The following TGM1 variants were observed in gnomAD, a reference collection of about 807,000 sequenced individuals.
The protein encoded by TGM1 is protein-glutamine gamma-glutamyltransferase K.
TGM1 carries 63 observed loss-of-function variants against 88.7 expected under a neutral mutation model. The observed-to-expected ratio is 0.71, with a 90% CI of 0.58 to 0.88. The LOEUF is 0.88. Among genes scored for constraint, TGM1 ranks in the 40% least tolerant of loss-of-function variants. The pLI, the probability that TGM1 is intolerant of heterozygous loss-of-function variation, is 0.00. For synonymous variants in TGM1, 415 were observed against 431.1 expected, an observed-to-expected ratio of 0.96 and a Z score of 0.46; for missense variants, 996 against 1,118.0, an observed-to-expected ratio of 0.89 and a Z score of 1.56.
At chr14:24,250,521 GCCCTACC>G (rs2040693054) in intron 14 of TGM1, among the ~76,000 whole-genome samples, 1 of 152,030 alleles carries the variant, frequency 6.6e-6, no homozygotes, top group African/African-American at 2.4e-5. Flanking sequence ...CTGCTGAGCA[GCCCTACC>G]GAATGCCTTC....
chr14:24,257,149 G>C (rs1373140000), intron 9 of TGM1, among the ~76,000 whole-genome samples: 6 of 152,184 alleles, frequency 3.9e-5, no homozygotes, highest in Admixed American at 1.3e-4. Flanking sequence ...CAGCATCACA[G>C]GCATCACCGG....
In TGM1 at chr14:24,255,252, G is replaced by A. The variant is rs1468392993; in HGVS notation, c.1647C>T (p.Gly549=). Residue 549 remains glycine, a splice_region_variant and synonymous_variant, in exon 12 of 15, where the codon GGC becomes GGT. Coordinates refer to ENST00000206765, the MANE Select transcript of TGM1 (RefSeq NM_000359.3). The surrounding 1 kb of genome is among the most constrained non-coding windows in gnomAD (Gnocchi z 4.0). ...CTACTGCCTTCCGCTCTGCGTCTGAGCCTGGGGGTTGAGGGTCAAGGGTGA... is the reference window on the plus strand; with the variant it reads ...CTACTGCCTTCCGCTCTGCGTCTGAACCTGGGGGTTGAGGGTCAAGGGTGA... ...DITYLYKHPE[G]SDAERKAVET... is the part of the protein sequence containing the mutation. The A allele has an allele frequency of 6.2e-7, 1 of 1,613,872 alleles. No homozygotes were observed. Among genetic ancestry groups the A allele is most frequent in the South Asian group, 1.1e-5 (1 of 91,084 alleles).
Position 24,249,231 on chromosome 14 carries a change from G to C in TGM1, c.*82C>G. ...CCTGGACTCCCCACCTGAGCTCCTG[G>C]GGAGCTGCTCTGTAGTGTGCCCCTA... On this transcript the variant is annotated 3_prime_UTR_variant, in exon 15 of 15. Coordinates refer to ENST00000206765, the MANE Select transcript of TGM1 (RefSeq NM_000359.3). 1.5e-6 allele frequency: 2 copies of C among 1,294,954 alleles called. No individual in the cohort carries two copies. Among genetic ancestry groups the C allele is most frequent in the South Asian group, 2.4e-5 (2 of 83,272 alleles). 80.2% of individuals were successfully genotyped at this position (1,294,954 alleles called of 1,614,324 possible).
chr14:24,250,793 A>G (rs2040695236), intron 14 of TGM1, among the ~76,000 whole-genome samples: 1 of 152,094 alleles, frequency 6.6e-6, no homozygotes, highest in Admixed American at 6.6e-5. Context: ...TTTATATTGC[A>G]TTTGCTCGTG....
intron 3 of TGM1, 90 bp downstream of exon 3, chr14:24,261,605 G>A: frequency 6.7e-7 from 1 of 1,492,232 alleles, no homozygotes; most frequent in Non-Finnish European, 9.3e-7. Flanking sequence ...AGTGGGGCAG[G>A]GAGGAGCCTA....
At chr14:24,250,680 G>T (rs41293950) in intron 14 of TGM1, among the ~76,000 whole-genome samples, 43 of 152,216 alleles carry the variant, frequency 2.8e-4, no homozygotes, top group African/African-American at 1.0e-3. Context: ...CCTCAGTGAC[G>T]GCTCCCCTGA....
Position 24,255,660 on chromosome 14 carries a change from G to T in TGM1, c.1492-143C>A, listed in dbSNP as rs2040744842. On this transcript the variant is annotated intron_variant, in intron 10 of 14. Transcript: ENST00000206765. This position sits in a 1 kb window ranked among gnomAD's most constrained non-coding sequence, Gnocchi z 4.0. ...GGAGCTTCCTGGCAGAGCCCAAGGG[G>T]AGACTTTCCAAGACGAGCCAGACGA... The T allele has an allele frequency of 8.6e-7, 1 of 1,165,746 alleles. No homozygotes were observed. Among genetic ancestry groups the T allele is most frequent in the Non-Finnish European group, 1.2e-6 (1 of 813,546 alleles). 72.2% of individuals were successfully genotyped at this position (1,165,746 alleles called of 1,614,324 possible). A position where few individuals can be genotyped will look rare whatever the true frequency, so the allele number is the denominator to read the frequency against.
Position 24,260,575 on chromosome 14 carries a change from G to A in TGM1, c.632C>T (p.Thr211Ile), listed in dbSNP as rs200894024. Reference protein sequence around the residue: ...SGQNLNLRVHTSPNAIIGKFQ... With the variant: ...SGQNLNLRVHISPNAIIGKFQ... ...CTTGCCGATGATGGCGTTGGGGGAAGTGTGGACCCGCAGGTTCAGATTCTG... is the reference window on the plus strand; with the variant it reads ...CTTGCCGATGATGGCGTTGGGGGAAATGTGGACCCGCAGGTTCAGATTCTG... Residue 211 changes from threonine (T) to isoleucine (I), a missense_variant, in exon 4 of 15, where the codon ACT becomes ATT. By Grantham distance (89) the Thr-to-Ile change is moderately conservative. Coordinates refer to ENST00000206765, the MANE Select transcript of TGM1 (RefSeq NM_000359.3). 6.2e-7 allele frequency: 1 copy of A among 1,614,240 alleles called. No individual in the cohort carries two copies. Among genetic ancestry groups the A allele is most frequent in the East Asian group, 2.2e-5 (1 of 44,884 alleles).
At chr14:24,261,973 T>C in intron 2 of TGM1, 61 bp downstream of exon 2, 1 of 1,610,228 alleles carries the variant, frequency 6.2e-7, no homozygotes, top group South Asian at 1.1e-5. Context: ...AATGCCAGGC[T>C]GAGTCTCTGG....
Position 24,254,781 on chromosome 14 carries a change from G to C in TGM1, c.1971C>G (p.Pro657=). Residue 657 remains proline (P), a synonymous_variant, in exon 13 of 15, where the codon CCC becomes CCG. Coordinates refer to ENST00000206765, the MANE Select transcript of TGM1 (RefSeq NM_000359.3). Reference sequence around the variant, plus strand: ...GCATGGCCCCCTGGTCCACAAGATGGGGCCGGTATTCCTTGTAGGCCACTG... The same window carrying C: ...GCATGGCCCCCTGGTCCACAAGATGCGGCCGGTATTCCTTGTAGGCCACTG... ...TMPVAYKEYR[P]HLVDQGAMLL... is the part of the protein sequence containing the mutation. 1.2e-6 allele frequency: 2 copies of C among 1,613,962 alleles called. No individual in the cohort carries two copies. The highest frequency in any genetic ancestry group is 2.7e-5 in the African/African-American group (2 of 75,038).
rs934104154 is a variant in TGM1, at chr14:24,249,157, G to A, written c.*156C>T. On this transcript the variant is annotated 3_prime_UTR_variant, in exon 15 of 15. Transcript: ENST00000206765. ...ATTAGCATCTGTTCCCCCAGTGCAA[G>A]TGAAGACTGACTCCCTCTCCGGGAG... 1.7e-5 allele frequency: 12 copies of A among 698,980 alleles called. No homozygotes were observed. In the African/African-American group the frequency reaches 2.1e-4, roughly 12 times the overall value. The allele number at this position is 698,980 out of a possible 1,614,324, so 43.3% of individuals were successfully genotyped here. A position where few individuals can be genotyped will look rare whatever the true frequency, so the allele number is the denominator to read the frequency against.
At position 24,255,549 on chromosome 14, in the gene TGM1, G is replaced by A. The variant is rs549815309; in HGVS notation, c.1492-32C>T. The A allele has an allele frequency of 1.1e-5, 17 of 1,611,878 alleles. No homozygotes were observed. Among genetic ancestry groups the A allele is most frequent in the Admixed American group, 3.3e-5 (2 of 60,026 alleles). On this transcript the variant is annotated intron_variant, in intron 10 of 14. Transcript: ENST00000206765. The surrounding 1 kb of genome is among the most constrained non-coding windows in gnomAD (Gnocchi z 4.0). ...GGGGTGGGGGTGAGCAGGAATGAGT[G>A]AGCCAGAGGGTCTGAGGGTGGCCTG...
chr14:24,262,646 A>C (rs1394028726), intron 1 of TGM1, among the ~76,000 whole-genome samples: 2 of 152,222 alleles, frequency 1.3e-5, no homozygotes, highest in Non-Finnish European at 2.9e-5. Flanking sequence ...AAATCCACAT[A>C]GTTCCCTGCA....
intron 14 of TGM1, among the ~76,000 whole-genome samples, chr14:24,250,184 G>GAGAC (rs2040690261): frequency 4.6e-5 from 7 of 151,128 alleles, no homozygotes; most frequent in Admixed American, 4.6e-4. Flanking sequence ...GTGTGTGAGA[G>GAGAC]AGACAGAGAG....
At chr14:24,260,423 C>T (rs947016834) in intron 4 of TGM1, 27 bp downstream of exon 4, 2 of 1,613,918 alleles carry the variant, frequency 1.2e-6, no homozygotes, top group East Asian at 2.2e-5. Context: ...TCCCATCTAC[C>T]CTCTGCTCCA....
Position 24,254,227 on chromosome 14 carries a change from A to AG in TGM1, c.2149dup (p.Leu717ProfsTer32). 1 of 1,614,092 alleles carries AG rather than the reference A, an allele frequency of 6.2e-7. No individual in the cohort carries two copies. ...GACGACATTGGTGAGGGTGACGGGAAGGGGGTTCTTGAAGACAATCTGTAC... is the reference window on the plus strand; with the variant it reads ...GACGACATTGGTGAGGGTGACGGGAAGGGGGGTTCTTGAAGACAATCTGTAC... On this transcript the variant is annotated frameshift_variant, in exon 14 of 15. Transcript: ENST00000206765. LOFTEE classifies it high-confidence loss of function.
chr14:24,251,134 G>A (rs573762606), intron 14 of TGM1, among the ~76,000 whole-genome samples: 2 of 152,256 alleles, frequency 1.3e-5, no homozygotes, highest in East Asian at 3.9e-4. Context: ...AGGAGGAGTG[G>A]GATCTGATTA....
At chr14:24,262,547 G>A (rs1404413423) in intron 1 of TGM1, among the ~76,000 whole-genome samples, 193 bp from the exon 2 acceptor site, 1 of 152,184 alleles carries the variant, frequency 6.6e-6, no homozygotes, top group Non-Finnish European at 1.5e-5. Flanking sequence ...AGCTTCTCAT[G>A]CTGCAGAGAA....
At chr14:24,257,764 A>G (rs1463587821) in intron 9 of TGM1, among the ~76,000 whole-genome samples, 1 of 152,264 alleles carries the variant, frequency 6.6e-6, no homozygotes, top group Admixed American at 6.5e-5. Flanking sequence ...CTAATGTATC[A>G]GGTTTGGAGT....
Sources: allele counts gnomAD v4.1 joint callset (sites outside exome capture counted in the v4.1 genomes callset), GRCh38; gene constraint gnomAD v4.1.1; non-coding constraint Gnocchi (gnomAD v3.1); transcripts MANE v1.5; gene names NCBI Gene and HGNC (gene_info 2026-07-23, HGNC 2026-07-21).